The following PCLAF variants were observed in gnomAD, a reference collection of about 807,000 sequenced individuals.
PCLAF encodes PCNA-associated factor.
PCLAF carries 12 observed loss-of-function variants against 15.1 expected under a neutral mutation model. That is an observed-to-expected ratio of 0.79 (90% CI 0.51 to 1.29). The LOEUF (loss-of-function observed/expected upper bound fraction) is 1.29, where lower values mean the gene tolerates loss of function less well. Among genes scored for constraint, PCLAF ranks in the 50% most tolerant of loss-of-function variants. PCLAF has a pLI of 0.00. For synonymous variants in PCLAF, 33 were observed against 47.1 expected, an observed-to-expected ratio of 0.70 and a Z score of 1.22; for missense variants, 116 against 130.9, an observed-to-expected ratio of 0.89 and a Z score of 0.56.
At chr15:64,384,985 G>A (rs561030371), upstream of PCLAF, among the ~76,000 whole-genome samples, 25 of 151,888 alleles carry the variant, frequency 1.6e-4, no homozygotes, top group South Asian at 2.9e-3. Flanking sequence ...CTGCAGCCTC[G>A]CCTCCTGAGC....
Position 64,365,660 on chromosome 15 carries a change from A to ATATGGCACC in PCLAF, c.*361_*369dup. On this transcript the variant is annotated 3_prime_UTR_variant, in exon 4 of 4. Coordinates refer to ENST00000300035, the MANE Select transcript of PCLAF (RefSeq NM_014736.6). ...TTTAAAGCAAGTAGAAGGAGTGACA[A>ATATGGCACC]TATGGCACCATTCCAATAATCAAAC... The ATATGGCACC allele has an allele frequency of 4.8e-6, 1 of 208,506 alleles. No homozygotes were observed. The allele number at this position is 208,506 out of a possible 1,614,324, so 12.9% of individuals were successfully genotyped here.
At chr15:64,384,471 A>G (rs1228196187), upstream of PCLAF, among the ~76,000 whole-genome samples, 1 of 151,116 alleles carries the variant, frequency 6.6e-6, no homozygotes, top group Non-Finnish European at 1.5e-5. Context: ...TGGCCGGCGC[A>G]GTGGCTCATG....
chr15:64,378,679 G>A (rs918116412), intron 2 of PCLAF, among the ~76,000 whole-genome samples: 1 of 152,142 alleles, frequency 6.6e-6, no homozygotes, highest in Admixed American at 6.6e-5. Context: ...TTGTGAGGCC[G>A]AGGCAGTTGG....
chr15:64,378,783 T>A (rs888041344), intron 2 of PCLAF, among the ~76,000 whole-genome samples: 30 of 152,000 alleles, frequency 2.0e-4, no homozygotes, highest in African/African-American at 6.5e-4. Context: ...TGGTGGCGCA[T>A]GCCTGTAATC....
chr15:64,364,986 T>C lies in PCLAF; in HGVS notation c.*1044A>G, dbSNP rs975399596. On this transcript the variant is annotated 3_prime_UTR_variant, in exon 4 of 4. Coordinates refer to ENST00000300035, the MANE Select transcript of PCLAF (RefSeq NM_014736.6). ...GGTGTGAGCCACTGCACTCAGCCTT[T>C]TTTAAAATTTTTTTTTTTTTTTTTT... The C allele has an allele frequency of 6.9e-5, 9 of 129,574 alleles. No individual in the cohort carries two copies. Among genetic ancestry groups the C allele is most frequent in the African/African-American group, 2.5e-4 (9 of 35,568 alleles). The allele number at this position is 129,574 out of a possible 1,614,324, so 8.0% of individuals were successfully genotyped here.
chr15:64,377,489 ATATATATATATATATATATATATAT>A (rs1471660562), intron 2 of PCLAF, among the ~76,000 whole-genome samples: 5 of 16,464 alleles, frequency 3.0e-4, no homozygotes, highest in African/African-American at 9.0e-4. Context: ...AAAAAAAAAA[ATATATATATATATATATATATATAT>A]ATATATATAT....
intron 2 of PCLAF, among the ~76,000 whole-genome samples, chr15:64,377,763 T>G (rs1163207667): frequency 2.6e-5 from 3 of 115,732 alleles, no homozygotes; most frequent in East Asian, 2.7e-4. Context: ...TTTTTTTTTT[T>G]TTTTTTTTTT....
At chr15:64,375,052 T>C (rs1899551954) in intron 3 of PCLAF, among the ~76,000 whole-genome samples, 1 of 152,128 alleles carries the variant, frequency 6.6e-6, no homozygotes, top group Non-Finnish European at 1.5e-5. Flanking sequence ...ATGGTATTAT[T>C]CCTAGTTGGT....
Position 64,377,756 on chromosome 15 carries a change from T to G in PCLAF, c.128-851A>C, listed in dbSNP as rs1459308712. 7.0e-3 allele frequency among the ~76,000 whole-genome samples: 725 copies of G among 103,144 alleles called. 15 individuals carry two copies. Among genetic ancestry groups the G allele is most frequent in the African/African-American group, 0.024 (674 of 28,524 alleles). The allele number at this position is 103,144 out of a possible 152,430, so 67.7% of individuals were successfully genotyped here. ...AAGTCCAATTCCTGGTGTTTTTTTT[T>G]TTTTTTTTTTTTTTTTTCAAAGTCT... On this transcript the variant is annotated intron_variant, in intron 2 of 3. Transcript: ENST00000300035.
intron 3 of PCLAF, among the ~76,000 whole-genome samples, chr15:64,374,411 C>A (rs982993582): frequency 1.3e-5 from 2 of 151,966 alleles, no homozygotes; most frequent in African/African-American, 4.8e-5. Context: ...TGGTGGCGGG[C>A]GCCTGTAGTC....
At chr15:64,367,332 A>C (rs1307019146) in intron 3 of PCLAF, among the ~76,000 whole-genome samples, 1 of 151,584 alleles carries the variant, frequency 6.6e-6, no homozygotes, top group East Asian at 2.0e-4. Context: ...GGTGAAACAC[A>C]TCTCTACTAA....
chr15:64,373,824 A>G (rs935526535), intron 3 of PCLAF: 7 of 1,494,762 alleles, frequency 4.7e-6, no homozygotes, highest in Admixed American at 2.0e-5. Context: ...AATGGCAGTG[A>G]CATCACTCCC....
chr15:64,378,280 G>C (rs1331328799), intron 2 of PCLAF, among the ~76,000 whole-genome samples: 1 of 152,022 alleles, frequency 6.6e-6, no homozygotes, highest in Non-Finnish European at 1.5e-5. Context: ...GAAAATTCTT[G>C]CCTTTTTATA....
At chr15:64,379,641 A>G (rs1899747625) in intron 2 of PCLAF, among the ~76,000 whole-genome samples, 1 of 152,184 alleles carries the variant, frequency 6.6e-6, no homozygotes, top group Non-Finnish European at 1.5e-5. Flanking sequence ...AGAAATTTGA[A>G]TTGACTTTAA....
intron 3 of PCLAF, chr15:64,373,820 A>G (rs2140525671): frequency 6.6e-7 from 1 of 1,508,424 alleles, no homozygotes. Context: ...TCATAATGGC[A>G]GTGACATCAC....
upstream of PCLAF, chr15:64,381,636 C>T: frequency 4.4e-6 from 4 of 915,244 alleles, no homozygotes; most frequent in Non-Finnish European, 4.7e-6. Context: ...TTCGTAGGCG[C>T]CCCAGGTGGG....
intron 2 of PCLAF, among the ~76,000 whole-genome samples, chr15:64,378,921 A>G (rs1899724989): frequency 6.6e-6 from 1 of 152,068 alleles, no homozygotes; most frequent in Non-Finnish European, 1.5e-5. Context: ...AGAAAAAAAA[A>G]AAAATATAGC....
exon 1 of PCLAF, chr15:64,387,547 C>T (rs1284716046): frequency 1.5e-6 from 2 of 1,331,692 alleles, no homozygotes; most frequent in Non-Finnish European, 1.9e-6. Context: ...TGTTTTCCCC[C>T]TAAACTGTCG....
At chr15:64,384,172 T>C (rs945008693), upstream of PCLAF, among the ~76,000 whole-genome samples, 3 of 152,242 alleles carry the variant, frequency 2.0e-5, no homozygotes, top group East Asian at 5.8e-4. Flanking sequence ...TCTCACTCTG[T>C]CATCCAGGCT....
Sources: gnomAD v4.1 joint callset for allele counts (sites outside exome capture counted in the v4.1 genomes callset) on GRCh38, gnomAD v4.1.1 for gene constraint, MANE v1.5 for transcripts, NCBI Gene and HGNC (gene_info 2026-07-23, HGNC 2026-07-21) for gene names.